The following TFEC variants were observed in gnomAD, a reference collection of about 807,000 sequenced individuals.
The protein encoded by TFEC is transcription factor EC.
TFEC carries 31 observed loss-of-function variants against 41.6 expected under a neutral mutation model. The ratio of observed to expected loss-of-function variants is 0.74; its 90% CI spans 0.56 to 1.01. The LOEUF is 1.01. Ranked by LOEUF, TFEC falls within the 50% of genes least tolerant of loss-of-function variation. TFEC has a pLI of 0.00. For synonymous variants in TFEC, 143 were observed against 140.6 expected (o/e 1.02, Z -0.12); for missense variants, 402 against 404.1 (o/e 0.99, Z 0.04).
At chr7:115,984,752 A>G (rs970418441) in intron 1 of TFEC, among the ~76,000 whole-genome samples, 8 of 152,210 alleles carry the variant, frequency 5.3e-5, no homozygotes, top group Non-Finnish European at 1.2e-4. Flanking sequence ...TTAAATGAGT[A>G]GCCCTAAAAA....
chr7:115,979,967 G>A (rs116256119), intron 2 of TFEC, among the ~76,000 whole-genome samples: 7 of 152,004 alleles, frequency 4.6e-5, no homozygotes, highest in Non-Finnish European at 8.8e-5. Flanking sequence ...CCTCTCAACC[G>A]CCATTTAAAT....
chr7:116,075,228 T>A (rs1370147276), intron 3 of TFEC, among the ~76,000 whole-genome samples: 1 of 152,152 alleles, frequency 6.6e-6, no homozygotes, highest in Non-Finnish European at 1.5e-5. Context: ...GCTATTTTTT[T>A]AAAAGTCCAT....
intron 1 of TFEC, among the ~76,000 whole-genome samples, chr7:116,151,524 T>G (rs903611981): frequency 6.6e-5 from 10 of 152,184 alleles, no homozygotes; most frequent in Admixed American, 1.3e-4. Context: ...ATTACAGGCA[T>G]GAGCCACTGT....
At chr7:116,046,242 G>A (rs1481654708) in intron 3 of TFEC, among the ~76,000 whole-genome samples, 1 of 152,158 alleles carries the variant, frequency 6.6e-6, no homozygotes, top group African/African-American at 2.4e-5. Flanking sequence ...GCCAGGGGCA[G>A]AATGATATGG....
chr7:115,981,518 T>C (rs1793629503), intron 2 of TFEC, among the ~76,000 whole-genome samples: 1 of 152,160 alleles, frequency 6.6e-6, no homozygotes, highest in South Asian at 2.1e-4. Flanking sequence ...TGATTATTAA[T>C]TGGCAGAAAT....
intron 3 of TFEC, among the ~76,000 whole-genome samples, chr7:116,090,640 A>G (rs1797304527): frequency 6.6e-6 from 1 of 152,092 alleles, no homozygotes; most frequent in Non-Finnish European, 1.5e-5. Context: ...TAGAATGGTT[A>G]CCACTTCTTT....
intron 1 of TFEC, among the ~76,000 whole-genome samples, chr7:116,007,434 C>T (rs1401792372): frequency 6.6e-6 from 1 of 152,272 alleles, no homozygotes; most frequent in East Asian, 1.9e-4. Context: ...ATTTTAAAAT[C>T]TCCTGGTAGT....
chr7:116,136,587 G>T (rs1302553472), intron 1 of TFEC, among the ~76,000 whole-genome samples: 1 of 151,850 alleles, frequency 6.6e-6, no homozygotes, highest in Non-Finnish European at 1.5e-5. Context: ...ATAAATCATA[G>T]TATGTTTTCA....
intron 3 of TFEC, among the ~76,000 whole-genome samples, chr7:116,089,622 T>TAC (rs919406939): frequency 6.6e-6 from 1 of 152,008 alleles, no homozygotes; most frequent in African/African-American, 2.4e-5. Flanking sequence ...TATATGTATA[T>TAC]ATAAAACCTC....
intron 3 of TFEC, among the ~76,000 whole-genome samples, chr7:116,050,261 G>C (rs1300809612): frequency 6.6e-6 from 1 of 152,058 alleles, no homozygotes; most frequent in Non-Finnish European, 1.5e-5. Context: ...AGAAAAGAGA[G>C]AGGAATCAAA....
intron 1 of TFEC, among the ~76,000 whole-genome samples, chr7:116,126,367 A>C (rs1214440832): frequency 1.3e-5 from 2 of 152,194 alleles, no homozygotes; most frequent in African/African-American, 4.8e-5. Context: ...GGGAAAAAGT[A>C]AGATAGAGGT....
At chr7:115,981,546 T>C (rs1793630721) in intron 2 of TFEC, among the ~76,000 whole-genome samples, 1 of 152,172 alleles carries the variant, frequency 6.6e-6, no homozygotes, top group Non-Finnish European at 1.5e-5. Context: ...AGGAGCTAGA[T>C]ATTAAAATGT....
chr7:116,039,748 T>A (rs139703630), intron 3 of TFEC, among the ~76,000 whole-genome samples: 4,662 of 152,204 alleles, frequency 0.031, 87 homozygotes, highest in Non-Finnish European at 0.038. Flanking sequence ...TTGAGTTTTT[T>A]TATTCCTTTG....
At chr7:116,017,096 T>C (rs4573198) in intron 1 of TFEC, among the ~76,000 whole-genome samples, 65,554 of 152,030 alleles carry the variant, frequency 0.43, 14,637 homozygotes, top group Non-Finnish European at 0.5. Flanking sequence ...GAATCCTTCA[T>C]TACTAATCTT....
intron 1 of TFEC, among the ~76,000 whole-genome samples, chr7:116,153,088 C>A (rs1332706229): frequency 1.3e-5 from 2 of 152,086 alleles, no homozygotes; most frequent in Middle Eastern, 3.2e-3. Flanking sequence ...AAGTACAATG[C>A]CTCAAATAAA....
intron 1 of TFEC, among the ~76,000 whole-genome samples, chr7:116,028,135 C>T (rs1366728955): frequency 1.3e-5 from 2 of 152,170 alleles, no homozygotes; most frequent in Non-Finnish European, 2.9e-5. Context: ...ATTCTCCTAA[C>T]ATTTAACATA....
intron 6 of TFEC, among the ~76,000 whole-genome samples, chr7:115,947,951 C>G (rs891290828): frequency 6.6e-5 from 10 of 151,550 alleles, no homozygotes; most frequent in African/African-American, 2.4e-4. Flanking sequence ...AGACCGCTAG[C>G]AAGACTAATA....
chr7:115,991,391 T>C (rs533884811), intron 1 of TFEC, among the ~76,000 whole-genome samples: 1 of 152,286 alleles, frequency 6.6e-6, no homozygotes, highest in Admixed American at 6.5e-5. Flanking sequence ...ACCTTAAATG[T>C]AAATGGGCTA....
chr7:116,104,571 A>G (rs1797674264), intron 3 of TFEC, among the ~76,000 whole-genome samples: 1 of 152,136 alleles, frequency 6.6e-6, no homozygotes, highest in African/African-American at 2.4e-5. Flanking sequence ...CTGGGGGAAA[A>G]TGTTTTCATT....
Sources: allele counts gnomAD v4.1 joint callset (sites outside exome capture counted in the v4.1 genomes callset), GRCh38; gene constraint gnomAD v4.1.1; transcripts MANE v1.5; gene names NCBI Gene and HGNC (gene_info 2026-07-23, HGNC 2026-07-21).